The following IL1B variants were observed in gnomAD, a reference collection of about 807,000 sequenced individuals.
IL1B encodes interleukin-1 beta.
In IL1B, 11 loss-of-function variants were observed where a neutral mutation model predicts 26.2. The observed-to-expected ratio is 0.42, with a 90% CI of 0.26 to 0.70. The LOEUF (loss-of-function observed/expected upper bound fraction) is 0.70, where lower values mean the gene tolerates loss of function less well. IL1B is among the 30% of genes least tolerant of loss of function. The pLI, the probability that IL1B is intolerant of heterozygous loss-of-function variation, is 0.25. For synonymous variants in IL1B, 118 were observed against 120.8 expected (o/e 0.98, Z 0.15); for missense variants, 255 against 327.5 (o/e 0.78, Z 1.71).
At chr2:112,832,603 A>G in intron 5 of IL1B, 59 bp downstream of exon 5, 1 of 1,530,360 alleles carries the variant, frequency 6.5e-7, no homozygotes, top group Non-Finnish European at 9.1e-7. Context: ...TGTTTAAAAC[A>G]TGGAGAATTA....
chr2:112,832,368 C>A (rs1167783691), intron 5 of IL1B, among the ~76,000 whole-genome samples: 1 of 152,080 alleles, frequency 6.6e-6, no homozygotes, highest in Non-Finnish European at 1.5e-5. Flanking sequence ...CATCAAATGA[C>A]CCCATATTGT....
Position 112,831,289 on chromosome 2 carries a change from T to G in IL1B, c.597+3A>C. ...AGGGCTTCATTCCATAGCATTCACT[T>G]ACCTCCAGCTGTAGAGTGGGCTTAT... On this transcript the variant is annotated splice_donor_region_variant and intron_variant, in intron 6 of 6. Coordinates refer to ENST00000263341, the MANE Select transcript of IL1B (RefSeq NM_000576.3). 6.2e-7 allele frequency: 1 copy of G among 1,613,952 alleles called. No homozygotes were observed. The highest frequency in any genetic ancestry group is 8.5e-7 in the Non-Finnish European group (1 of 1,179,856).
At chr2:112,831,496 T>C (rs2104934659) in intron 5 of IL1B, 74 bp from the exon 6 acceptor site, 1 of 1,559,102 alleles carries the variant, frequency 6.4e-7, no homozygotes, top group South Asian at 1.1e-5. Context: ...GCCCCATGAG[T>C]AGGATACATG....
chr2:112,831,238 G>T, intron 6 of IL1B, 54 bp downstream of exon 6: 9 of 1,608,596 alleles, frequency 5.6e-6, no homozygotes, highest in Non-Finnish European at 6.0e-6. Flanking sequence ...GGTTGTCTGG[G>T]AATAAGTGGT....
intron 1 of IL1B, 135 bp from the exon 2 acceptor site, chr2:112,836,379 T>C (rs1682091834): frequency 1.4e-6 from 1 of 707,954 alleles, no homozygotes; most frequent in Non-Finnish European, 2.5e-6. Context: ...GAAAGAGAAG[T>C]CCTTTGGGTC....
chr2:112,832,844 T>C lies in IL1B; in HGVS notation c.302-18A>G. 1.2e-6 allele frequency: 2 copies of C among 1,614,022 alleles called. No individual in the cohort carries two copies. The highest frequency in any genetic ancestry group is 1.7e-6 in the Non-Finnish European group (2 of 1,179,898). ...GATAGGTTCTGAAATGTGGAGCACA[T>C]GTTGTTTAGGTATAAAATCAGAAGG... On this transcript the variant is annotated intron_variant, in intron 4 of 6. Transcript: ENST00000263341.
intron 3 of IL1B, 76 bp downstream of exon 3, chr2:112,835,490 G>T: frequency 1.7e-6 from 2 of 1,157,994 alleles, no homozygotes; most frequent in Non-Finnish European, 2.6e-6. Context: ...CATCAAAGTG[G>T]CCCAGAACTC....
At chr2:112,832,466 C>G (rs1048427617) in intron 5 of IL1B, among the ~76,000 whole-genome samples, 196 bp downstream of exon 5, 1 of 152,180 alleles carries the variant, frequency 6.6e-6, no homozygotes, top group Admixed American at 6.5e-5. Flanking sequence ...CAGGGTCACA[C>G]TCCTGTTAAC....
rs1237115850 is a variant in IL1B at position 112,832,649 on chromosome 2, T to A, written c.466+13A>T. On this transcript the variant is annotated intron_variant, in intron 5 of 6. Transcript: ENST00000263341. Reference sequence around the variant, plus strand: ...AGGAGGCCAGGCAGGGAAACCAGGATGTTTCCATTTACCTTGTTGCTCCAT... The same window carrying A: ...AGGAGGCCAGGCAGGGAAACCAGGAAGTTTCCATTTACCTTGTTGCTCCAT... The A allele has an allele frequency of 6.2e-7, 1 of 1,613,044 alleles. No homozygotes were observed. The highest frequency in any genetic ancestry group is 8.5e-7 in the Non-Finnish European group (1 of 1,179,094).
intron 5 of IL1B, among the ~76,000 whole-genome samples, chr2:112,832,143 C>T (rs1681996012): frequency 6.6e-6 from 1 of 152,154 alleles, no homozygotes; most frequent in Non-Finnish European, 1.5e-5. Context: ...ATGATGGGTT[C>T]ACCGCACTTG....
intron 6 of IL1B, 40 bp from the exon 7 acceptor site, chr2:112,830,613 G>C (rs1008203506): frequency 7.3e-7 from 1 of 1,369,218 alleles, no homozygotes; most frequent in Admixed American, 1.7e-5. Flanking sequence ...TGGGGCAAGG[G>C]ACAAAGATGC....
chr2:112,830,039 T>C lies in IL1B; in HGVS notation c.*322A>G, dbSNP rs1444901212. 1.4e-5 allele frequency: 4 copies of C among 286,472 alleles called. No individual in the cohort carries two copies. Among genetic ancestry groups the C allele is most frequent in the Non-Finnish European group, 2.6e-5 (4 of 151,152 alleles). The allele number at this position is 286,472 out of a possible 1,614,324, so 17.7% of individuals were successfully genotyped here. ...ATAGGGAAGCGGTTGCTCATCAGAA[T>C]GTGGGAGCGAATGACAGAGGGTTTC... On this transcript the variant is annotated 3_prime_UTR_variant, in exon 7 of 7. Coordinates refer to ENST00000263341, the MANE Select transcript of IL1B (RefSeq NM_000576.3).
chr2:112,834,394 T>C (rs1682047822), intron 3 of IL1B, among the ~76,000 whole-genome samples: 1 of 152,258 alleles, frequency 6.6e-6, no homozygotes, highest in African/African-American at 2.4e-5. Context: ...ATAGGCATTC[T>C]GCAAATCCTG....
chr2:112,832,108 G>A (rs538318062), intron 5 of IL1B, among the ~76,000 whole-genome samples: 6 of 152,328 alleles, frequency 3.9e-5, no homozygotes, highest in Admixed American at 1.3e-4. Context: ...ACTGTGGCAC[G>A]ATGCCAGGCA....
chr2:112,833,685 C>T (rs765409841), intron 3 of IL1B, 110 bp from the exon 4 acceptor site: 44 of 1,056,000 alleles, frequency 4.2e-5, no homozygotes, highest in Non-Finnish European at 5.6e-5. Flanking sequence ...GAAAGAATCC[C>T]GAGCTTCTAA....
chr2:112,836,605 GAGAA>G (rs932194530), intron 1 of IL1B, 99 bp downstream of exon 1: 8 of 290,660 alleles, frequency 2.8e-5, no homozygotes, highest in African/African-American at 1.3e-4. Flanking sequence ...GGGAGAGACA[GAGAA>G]AGAAAGAGAG....
chr2:112,831,119 T>C (rs1681979692), intron 6 of IL1B, 173 bp downstream of exon 6: 1 of 697,640 alleles, frequency 1.4e-6, no homozygotes, highest in African/African-American at 1.8e-5. Context: ...TGCAGCAGGA[T>C]TGAAGGTTGC....
chr2:112,835,722 T>C, intron 2 of IL1B, 105 bp from the exon 3 acceptor site: 1 of 981,798 alleles, frequency 1.0e-6, no homozygotes, highest in Non-Finnish European at 1.6e-6. Flanking sequence ...GCAAACAGCC[T>C]GCCTCTCAAA....
At chr2:112,832,202 A>T (rs1406474469) in intron 5 of IL1B, among the ~76,000 whole-genome samples, 2 of 152,186 alleles carry the variant, frequency 1.3e-5, no homozygotes, top group East Asian at 3.9e-4. Flanking sequence ...GCTGGGCGGT[A>T]AAATTTCCCT....
Sources: gnomAD v4.1 joint callset for allele counts (sites outside exome capture counted in the v4.1 genomes callset) on GRCh38, gnomAD v4.1.1 for gene constraint, MANE v1.5 for transcripts, NCBI Gene and HGNC (gene_info 2026-07-23, HGNC 2026-07-21) for gene names.